Variants in PALLD observed in about 807,000 individuals in gnomAD.
PALLD encodes palladin, cytoskeletal associated protein, also known as palladin.
In PALLD, 61 loss-of-function variants were observed where a neutral mutation model predicts 123.5. That is an observed-to-expected ratio of 0.49 (90% confidence interval 0.40 to 0.61). The LOEUF (loss-of-function observed/expected upper bound fraction) is 0.61. Ranked by LOEUF, PALLD falls within the 20% of genes least tolerant of loss-of-function variation. The pLI, the probability that PALLD is intolerant of heterozygous loss-of-function variation, is 0.00. For synonymous variants in PALLD, 465 were observed against 496.4 expected (o/e 0.94, Z 0.84); for missense variants, 1,273 against 1,377.0 (o/e 0.92, Z 1.20).
At chr4:168,655,783 G>A (rs556988530) in intron 2 of PALLD, among the ~76,000 whole-genome samples, 32 of 152,300 alleles carry the variant, frequency 2.1e-4, no homozygotes, top group Admixed American at 1.8e-3. Context: ...AATTTTGAGG[G>A]ACATCTCCTG....
chr4:168,771,615 C>T (rs759607347), intron 10 of PALLD, among the ~76,000 whole-genome samples: 2 of 152,254 alleles, frequency 1.3e-5, no homozygotes, highest in Admixed American at 6.5e-5. Context: ...ATGTGGTCCC[C>T]CTGCTGGAAG....
At chr4:168,647,647 A>G (rs979993100) in intron 2 of PALLD, among the ~76,000 whole-genome samples, 2 of 151,792 alleles carry the variant, frequency 1.3e-5, no homozygotes, top group Non-Finnish European at 2.9e-5. Context: ...TGGGCATGGT[A>G]GTGCACACCT....
chr4:168,720,846 G>A (rs1327233460), intron 10 of PALLD, among the ~76,000 whole-genome samples: 2 of 152,156 alleles, frequency 1.3e-5, no homozygotes, highest in Non-Finnish European at 2.9e-5. Flanking sequence ...GCTTCCTGAA[G>A]TATAAAACTT....
intron 2 of PALLD, among the ~76,000 whole-genome samples, chr4:168,609,590 G>A (rs1773535837): frequency 6.6e-6 from 1 of 152,158 alleles, no homozygotes; most frequent in Non-Finnish European, 1.5e-5. Context: ...TCATGCGGGG[G>A]TATCAGAGTG....
chr4:168,527,660 T>G (rs1764200398), intron 2 of PALLD, among the ~76,000 whole-genome samples: 1 of 152,154 alleles, frequency 6.6e-6, no homozygotes, highest in Admixed American at 6.5e-5. Flanking sequence ...TCTGCCTTAC[T>G]ACTTTTGCTC....
At chr4:168,572,563 G>A (rs1050963677) in intron 2 of PALLD, among the ~76,000 whole-genome samples, 7 of 151,922 alleles carry the variant, frequency 4.6e-5, no homozygotes, top group Non-Finnish European at 8.8e-5. Flanking sequence ...CAAACTCAAC[G>A]TGTCCAAACC....
intron 2 of PALLD, among the ~76,000 whole-genome samples, chr4:168,580,212 T>C (rs1770095502): frequency 6.6e-6 from 1 of 151,120 alleles, no homozygotes; most frequent in African/African-American, 2.5e-5. Flanking sequence ...TTTCCTTCTT[T>C]TTAAAGACTG....
chr4:168,792,483 C>A (rs959250895), intron 10 of PALLD, among the ~76,000 whole-genome samples: 1 of 152,060 alleles, frequency 6.6e-6, no homozygotes, highest in African/African-American at 2.4e-5. Context: ...TACTTCCTCT[C>A]GCCTACCCAA....
chr4:168,566,925 G>A (rs1185482653), intron 2 of PALLD, among the ~76,000 whole-genome samples: 2 of 152,120 alleles, frequency 1.3e-5, no homozygotes, highest in Non-Finnish European at 2.9e-5. Flanking sequence ...TGAAGCCAGA[G>A]ATACACCAGA....
chr4:168,708,795 C>G (rs570154410), intron 8 of PALLD, among the ~76,000 whole-genome samples: 1 of 152,250 alleles, frequency 6.6e-6, no homozygotes, highest in South Asian at 2.1e-4. Context: ...GATGAGGACA[C>G]CGAGACTGCT....
At chr4:168,826,635 T>A (rs1049040506) in intron 10 of PALLD, among the ~76,000 whole-genome samples, 2 of 152,220 alleles carry the variant, frequency 1.3e-5, no homozygotes, top group African/African-American at 4.8e-5. Flanking sequence ...TTTTTAATTA[T>A]CTGAAACTAA....
rs747702421 is a variant in PALLD, at chr4:168,913,982, G to A, written c.2678G>A (p.Arg893Gln). 1.6e-5 allele frequency: 25 copies of A among 1,612,672 alleles called. No homozygotes were observed. In the Middle Eastern group the frequency reaches 4.9e-4, roughly 32 times the overall value. ...LMVQAVNQRGRSPRSPSGHPH... is the reference protein window; with the variant it reads ...LMVQAVNQRGQSPRSPSGHPH... ...GTACAGGCTGTCAACCAAAGAGGTC[G>A]AAGTCCCCGGTCTCCCTCAGGCCAT... Residue 893 changes from arginine (R) to glutamine (Q), a missense_variant, in exon 16 of 22, where the codon CGA becomes CAA. Transcript: ENST00000505667.
chr4:168,627,084 T>G (rs1266207811), intron 2 of PALLD, among the ~76,000 whole-genome samples: 3 of 152,216 alleles, frequency 2.0e-5, no homozygotes, highest in Non-Finnish European at 4.4e-5. Flanking sequence ...AGATGGTATA[T>G]TTTATGTGTT....
intron 2 of PALLD, among the ~76,000 whole-genome samples, chr4:168,630,946 G>A (rs537244556): frequency 1.3e-5 from 2 of 152,246 alleles, no homozygotes; most frequent in South Asian, 4.2e-4. Context: ...ACATAATACC[G>A]CAGAGAAAGA....
intron 2 of PALLD, among the ~76,000 whole-genome samples, chr4:168,543,555 CAA>C (rs956286844): frequency 2.2e-5 from 3 of 135,764 alleles, no homozygotes; most frequent in African/African-American, 5.5e-5. Context: ...GGCAGGAGGG[CAA>C]AAAAAAAAAT....
At chr4:168,684,767 C>A (rs4692947) in intron 5 of PALLD, among the ~76,000 whole-genome samples, 22,764 of 152,100 alleles carry the variant, frequency 0.15, 2,371 homozygotes, top group African/African-American at 0.28. Context: ...CGCTCTGCCA[C>A]AATTCTTCAT....
At chr4:168,796,935 A>C (rs1344502955) in intron 10 of PALLD, among the ~76,000 whole-genome samples, 2 of 152,206 alleles carry the variant, frequency 1.3e-5, no homozygotes, top group Non-Finnish European at 2.9e-5. Flanking sequence ...TAGTGAATAC[A>C]GTTACCCTGG....
chr4:168,669,815 C>T (rs974962191), intron 3 of PALLD, among the ~76,000 whole-genome samples: 2 of 151,942 alleles, frequency 1.3e-5, no homozygotes, highest in African/African-American at 4.8e-5. Flanking sequence ...CACACACACA[C>T]ACACACACAA....
intron 1 of PALLD, among the ~76,000 whole-genome samples, chr4:168,500,696 T>A (rs1761312013): frequency 6.6e-6 from 1 of 152,140 alleles, no homozygotes; most frequent in African/African-American, 2.4e-5. Flanking sequence ...ATTTCTTAAC[T>A]GACAACATAG....
Sources: allele counts gnomAD v4.1 joint callset (sites outside exome capture counted in the v4.1 genomes callset), GRCh38; gene constraint gnomAD v4.1.1; transcripts MANE v1.5; gene names NCBI Gene and HGNC (gene_info 2026-07-23, HGNC 2026-07-21).